Variants in SMCHD1 observed in about 807,000 individuals in gnomAD.
SMCHD1 encodes structural maintenance of chromosomes flexible hinge domain containing 1.
A neutral mutation model predicts 254.7 loss-of-function variants in SMCHD1; 78 were observed. That is an observed-to-expected ratio of 0.31 (90% CI 0.26 to 0.37). SMCHD1 has a LOEUF of 0.37. Ranked by LOEUF, SMCHD1 falls within the 10% of genes least tolerant of loss-of-function variation. SMCHD1 has a pLI of 1.00. For synonymous variants in SMCHD1, 766 were observed against 794.9 expected (o/e 0.96, Z 0.61); for missense variants, 1,840 against 2,408.1 (o/e 0.76, Z 4.94).
intron 17 of SMCHD1, among the ~76,000 whole-genome samples, chr18:2,712,583 T>G (rs2074705223): frequency 1.3e-5 from 2 of 152,330 alleles, no homozygotes; most frequent in South Asian, 4.1e-4. Context: ...ACAGGAGTTG[T>G]ATGTGCAGAT....
intron 7 of SMCHD1, 49 bp from the exon 8 acceptor site, chr18:2,694,478 A>C: frequency 1.5e-6 from 2 of 1,373,778 alleles, no homozygotes; most frequent in Non-Finnish European, 2.0e-6. Flanking sequence ...TATTTGTATA[A>C]TTATAATTTA....
At chr18:2,782,383 T>C (rs908799945) in intron 44 of SMCHD1, among the ~76,000 whole-genome samples, 1 of 152,164 alleles carries the variant, frequency 6.6e-6, no homozygotes, top group African/African-American at 2.4e-5. Context: ...CTACCATAAC[T>C]CTTCCCTCAT....
intron 42 of SMCHD1, among the ~76,000 whole-genome samples, chr18:2,776,605 A>T (rs997812997): frequency 2.6e-5 from 4 of 152,224 alleles, no homozygotes. Flanking sequence ...ATAAAAATGT[A>T]TAGCAGAGTA....
At position 2,701,117 on chromosome 18, in the gene SMCHD1, A is replaced by G. The variant is rs501573; in HGVS notation, c.1647+199A>G. 189,823 of 405,108 alleles carry G rather than the reference A, an allele frequency of 0.47. 47,604 individuals are homozygous for G. The highest frequency in any genetic ancestry group is 0.59 in the East Asian group (16,124 of 27,100). 25.1% of individuals were successfully genotyped at this position (405,108 alleles called of 1,614,324 possible). ...TTAGTAATGACTAAACCTACCTAGT[A>G]AAGACTAGGTTTGGATAGAATTTAC... On this transcript the variant is annotated intron_variant, in intron 12 of 47. Transcript: ENST00000320876.
Position 2,729,329 on chromosome 18 carries a change from A to T in SMCHD1, c.2968A>T (p.Thr990Ser), listed in dbSNP as rs1359675557. Residue 990 changes from threonine (T) to serine (S), a missense_variant, in exon 24 of 48, where the codon ACC becomes TCC. Physicochemically the swap from Thr to Ser is moderately conservative, Grantham distance 58. Transcript: ENST00000320876. The part of the protein sequence containing the change: ...VYVVDCSSSG[T>S]SILTGSAIQV... The stretch of plus-strand genomic sequence containing the variant: ...TGTTGTAGATTGCAGTAGTTCTGGA[A>T]CCAGTATTTTAACAGGATCTGCAAT... 1 of 1,562,358 alleles carries T rather than the reference A, an allele frequency of 6.4e-7. No homozygotes were observed. The highest frequency in any genetic ancestry group is 8.7e-7 in the Non-Finnish European group (1 of 1,153,396).
chr18:2,772,966 A>G (rs968549777), intron 41 of SMCHD1, among the ~76,000 whole-genome samples: 4 of 152,274 alleles, frequency 2.6e-5, no homozygotes, highest in African/African-American at 9.6e-5. Context: ...TCATTTATAC[A>G]TAAAGAAATT....
chr18:2,759,571 C>CTCTTTTTT lies in SMCHD1; in HGVS notation c.4347-1080_4347-1079insCTTTTTTT, dbSNP rs1204847128. Among the ~76,000 whole-genome samples the CTCTTTTTT allele has an allele frequency of 8.6e-5, 6 of 69,518 alleles. 1 individual carries two copies. Among genetic ancestry groups the CTCTTTTTT allele is most frequent in the Non-Finnish European group, 1.3e-4 (5 of 39,444 alleles). The allele number at this position is 69,518 out of a possible 152,430, so 45.6% of individuals were successfully genotyped here. ...AAGCAGAAGTCCGTTTTAATTCTCT[C>CTCTTTTTT]TTTTTTTTTTTTTTTTGAGATAGAG... On this transcript the variant is annotated intron_variant, in intron 34 of 47. Transcript: ENST00000320876.
At chr18:2,667,161 T>A (rs1430612990) in intron 3 of SMCHD1, 130 bp downstream of exon 3, 6 of 698,920 alleles carry the variant, frequency 8.6e-6, no homozygotes, top group Non-Finnish European at 1.4e-5. Context: ...ATTTTCTTTC[T>A]TACTCAAATT....
chr18:2,768,794 G>A (rs2075923155), intron 37 of SMCHD1, among the ~76,000 whole-genome samples: 2 of 151,726 alleles, frequency 1.3e-5, no homozygotes, highest in African/African-American at 4.8e-5. Flanking sequence ...TAAAGTATAT[G>A]TTACTTATTT....
rs111553837 is a variant in SMCHD1 at position 2,798,511 on chromosome 18, A to G, written c.5993+1990A>G. ...TGCTTGTGACTGTGAAAATTTATGT[A>G]TTTATATAGAAAAGACATGTGTATG... On this transcript the variant is annotated intron_variant, in intron 47 of 47. Transcript: ENST00000320876. Among the ~76,000 whole-genome samples, 681 of 152,302 alleles carry G rather than the reference A, an allele frequency of 4.5e-3. 5 individuals carry two copies. Among genetic ancestry groups the G allele is most frequent in the African/African-American group, 0.016 (648 of 41,570 alleles).
chr18:2,795,964 A>G lies in SMCHD1; in HGVS notation c.5735A>G (p.Tyr1912Cys). Reference sequence around the variant, plus strand: ...TTCTTTACAGATCTTCTTCAGCAGTATCGTTCTGCTGTGTGCAAACTAGAC... The same window carrying G: ...TTCTTTACAGATCTTCTTCAGCAGTGTCGTTCTGCTGTGTGCAAACTAGAC... ...LGEQIDLLQQ[Y>C]RSAVCKLDSV... Residue 1912 changes from tyrosine to cysteine, a missense_variant, in exon 46 of 48, where the codon TAT becomes TGT. Physicochemically the swap from Tyr to Cys is radical, Grantham distance 194. Around this residue, in one of 9 missense-constraint regions of SMCHD1, gnomAD observed 132 missense variants for 138.2 expected, o/e 0.95. Transcript: ENST00000320876. The G allele has an allele frequency of 1.3e-6, 2 of 1,590,754 alleles. No individual in the cohort carries two copies. Among genetic ancestry groups the G allele is most frequent in the Admixed American group, 1.8e-5 (1 of 55,678 alleles).
At chr18:2,747,140 C>T (rs2075470071) in intron 29 of SMCHD1, among the ~76,000 whole-genome samples, 2 of 152,146 alleles carry the variant, frequency 1.3e-5, no homozygotes, top group South Asian at 4.1e-4. Context: ...GCTTACATAG[C>T]ATTTGCGTTG....
At chr18:2,742,457 G>A (rs975839377) in intron 28 of SMCHD1, among the ~76,000 whole-genome samples, 1 of 152,042 alleles carries the variant, frequency 6.6e-6, no homozygotes, top group Non-Finnish European at 1.5e-5. Context: ...ATCAAATTTG[G>A]AACCCTAAGA....
chr18:2,722,384 T>G lies in SMCHD1; in HGVS notation c.2459-135T>G, dbSNP rs546521140. On this transcript the variant is annotated intron_variant, in intron 19 of 47. Coordinates refer to ENST00000320876, the MANE Select transcript of SMCHD1 (RefSeq NM_015295.3). The stretch of plus-strand genomic sequence containing the variant: ...CATAACATATAATTTTTGCGCTGAT[T>G]TTAAAATGTTATTTTTAGCATAGTC... 3.5e-4 allele frequency: 264 copies of G among 761,618 alleles called. No individual in the cohort carries two copies. The African/African-American group carries it at 4.1e-3, about 12-fold the overall frequency. The allele number at this position is 761,618 out of a possible 1,614,324, so 47.2% of individuals were successfully genotyped here.
At chr18:2,770,877 C>A (rs539762490) in intron 39 of SMCHD1, among the ~76,000 whole-genome samples, 5 of 152,250 alleles carry the variant, frequency 3.3e-5, no homozygotes, top group Middle Eastern at 3.4e-3. Context: ...CACCTTGGCC[C>A]CCACAAAGTG....
intron 30 of SMCHD1, among the ~76,000 whole-genome samples, chr18:2,748,380 G>GTGTGTGTGTGTGTGTGTATATA (rs561439889): frequency 2.2e-4 from 18 of 80,244 alleles, no homozygotes; most frequent in African/African-American, 8.9e-4. Flanking sequence ...GTGTGTGTGT[G>GTGTGTGTGTGTGTGTGTATATA]TGTATATAAA....
intron 17 of SMCHD1, among the ~76,000 whole-genome samples, chr18:2,710,663 CT>C (rs2074646028): frequency 1.3e-5 from 2 of 151,952 alleles, no homozygotes; most frequent in South Asian, 4.1e-4. Flanking sequence ...CCTTTTATTT[CT>C]TTTTCTTACC....
At chr18:2,708,362 G>A (rs1345117592) in intron 17 of SMCHD1, among the ~76,000 whole-genome samples, 1 of 151,940 alleles carries the variant, frequency 6.6e-6, no homozygotes, top group Non-Finnish European at 1.5e-5. Flanking sequence ...TGCCTTTTCT[G>A]CCTTTTAGAA....
At chr18:2,770,640 T>G (rs1470471557) in intron 39 of SMCHD1, among the ~76,000 whole-genome samples, 1 of 152,164 alleles carries the variant, frequency 6.6e-6, no homozygotes, top group African/African-American at 2.4e-5. Context: ...TTTTGTTTTT[T>G]TTTGAGACAC....
Sources: allele counts gnomAD v4.1 joint callset (sites outside exome capture counted in the v4.1 genomes callset), GRCh38; gene constraint gnomAD v4.1.1; regional missense constraint gnomAD v4.1.1; transcripts MANE v1.5; gene names NCBI Gene and HGNC (gene_info 2026-07-23, HGNC 2026-07-21).